Variants in ALPK1 observed in about 807,000 individuals in gnomAD.
The protein encoded by ALPK1 is alpha kinase 1.
Under a neutral mutation model 120.6 loss-of-function variants are expected in ALPK1, and 110 were observed. The ratio of observed to expected loss-of-function variants is 0.91; its 90% confidence interval spans 0.78 to 1.07. The LOEUF (loss-of-function observed/expected upper bound fraction) is 1.07, where lower values mean the gene tolerates loss of function less well. ALPK1 is among the 50% of genes least tolerant of loss of function. The pLI, the probability that ALPK1 is intolerant of heterozygous loss-of-function variation, is 0.00. For missense variants in ALPK1, 1,498 were observed against 1,483.9 expected (o/e 1.01, Z -0.16); for synonymous variants, 582 against 560.3 (o/e 1.04, Z -0.55).
At chr4:112,300,932 G>T (rs887240341) in intron 1 of ALPK1, among the ~76,000 whole-genome samples, 1 of 152,088 alleles carries the variant, frequency 6.6e-6, no homozygotes, top group Non-Finnish European at 1.5e-5. Flanking sequence ...CTTAACCCCA[G>T]CACATCTGGT....
At chr4:112,377,502 C>T (rs760312574) in intron 2 of ALPK1, among the ~76,000 whole-genome samples, 176 bp from the exon 3 acceptor site, 3 of 152,158 alleles carry the variant, frequency 2.0e-5, no homozygotes, top group South Asian at 2.1e-4. Context: ...CTGAGGCCTT[C>T]GGAGGTGCTG....
chr4:112,429,593 G>A lies in ALPK1; in HGVS notation c.900+340G>A, dbSNP rs141426286. On this transcript the variant is annotated intron_variant, in intron 10 of 15. Coordinates refer to ENST00000650871, the MANE Select transcript of ALPK1 (RefSeq NM_025144.4). ...TCACGCCTGTAATCCCATCACTTTG[G>A]GAGGCCAAGGTAGGAGGATGGCTTG... 1.4e-4 allele frequency among the ~76,000 whole-genome samples: 21 copies of A among 152,200 alleles called. No individual in the cohort carries two copies. The East Asian group carries it at 4.1e-3, about 29-fold the overall frequency.
chr4:112,412,431 A>G (rs1279731748), intron 5 of ALPK1: 2 of 461,012 alleles, frequency 4.3e-6, no homozygotes, highest in African/African-American at 4.0e-5. Context: ...CACTTGACTA[A>G]GCTGACAATA....
intron 2 of ALPK1, among the ~76,000 whole-genome samples, 160 bp from the exon 3 acceptor site, chr4:112,377,518 C>T (rs1011841433): frequency 1.3e-5 from 2 of 152,154 alleles, no homozygotes; most frequent in Non-Finnish European, 2.9e-5. Context: ...TGCTGCCCAT[C>T]TAGCCAGGCC....
At chr4:112,435,845 C>T (rs533582626) in intron 12 of ALPK1, among the ~76,000 whole-genome samples, 4 of 152,272 alleles carry the variant, frequency 2.6e-5, no homozygotes, top group African/African-American at 9.6e-5. Context: ...GTTCAGATAC[C>T]ACTCATACAA....
intron 10 of ALPK1, among the ~76,000 whole-genome samples, chr4:112,429,855 GAAA>G (rs1344736398): frequency 0.032 from 1,357 of 42,878 alleles, 49 homozygotes; most frequent in East Asian, 0.28. Context: ...AAAAAAAAAA[GAAA>G]AGAAAAGAGA....
intron 1 of ALPK1, among the ~76,000 whole-genome samples, chr4:112,312,429 C>T (rs1431308766): frequency 7.2e-5 from 11 of 152,076 alleles, no homozygotes; most frequent in African/African-American, 1.4e-4. Context: ...CCCGCCACCA[C>T]GCCTGGCTAA....
chr4:112,304,661 A>G (rs1421747509), intron 1 of ALPK1, among the ~76,000 whole-genome samples: 3 of 151,952 alleles, frequency 2.0e-5, no homozygotes, highest in African/African-American at 7.3e-5. Context: ...CCCTTTGTCA[A>G]ATAAGTAGAT....
chr4:112,330,288 G>T lies in ALPK1; in HGVS notation c.-101+14436G>T, dbSNP rs563035975. ...AACTTAATTCCAAGAAGAATTTATT[G>T]CATGGACACTTAAATAAGAGAAAGG... On this transcript the variant is annotated intron_variant, in intron 2 of 15. Transcript: ENST00000650871. Among the ~76,000 whole-genome samples the T allele has an allele frequency of 1.6e-4, 25 of 152,262 alleles. 1 individual carries two copies. The South Asian group carries it at 4.8e-3, about 29-fold the overall frequency.
chr4:112,382,509 C>T lies in ALPK1; in HGVS notation c.233C>T (p.Thr78Ile). Reference protein sequence around the residue: ...YKQAVGPEDKTNLKDVIGAGL... With the variant: ...YKQAVGPEDKINLKDVIGAGL... ...CAAGCCGTGGGCCCAGAGGACAAAA[C>T]AAACCTGAAGGATGTGATTGGCGCC... Residue 78 changes from threonine (T) to isoleucine (I), a missense_variant, in exon 4 of 16, where the codon ACA becomes ATA. Physicochemically the swap from Thr to Ile is moderately conservative, Grantham distance 89. Transcript: ENST00000650871. The T allele has an allele frequency of 6.2e-7, 1 of 1,614,152 alleles. No homozygotes were observed. Among genetic ancestry groups the T allele is most frequent in the African/African-American group, 1.3e-5 (1 of 75,040 alleles).
At chr4:112,375,207 G>A (rs1731599338) in intron 2 of ALPK1, among the ~76,000 whole-genome samples, 1 of 142,848 alleles carries the variant, frequency 7.0e-6, no homozygotes, top group South Asian at 2.2e-4. Flanking sequence ...TTGAGACAGA[G>A]ACTTGCTATG....
chr4:112,338,854 A>G (rs1392892073), intron 2 of ALPK1, among the ~76,000 whole-genome samples: 2 of 152,246 alleles, frequency 1.3e-5, no homozygotes, highest in African/African-American at 2.4e-5. Context: ...GAACAGAGAT[A>G]CAATTATAAC....
intron 4 of ALPK1, among the ~76,000 whole-genome samples, chr4:112,402,511 C>A (rs1237511563): frequency 3.9e-5 from 6 of 152,196 alleles, no homozygotes; most frequent in Non-Finnish European, 7.3e-5. Context: ...AATTCCTTTA[C>A]CACCTGACTC....
At chr4:112,299,524 C>T (rs1253800988) in intron 1 of ALPK1, among the ~76,000 whole-genome samples, 1 of 152,046 alleles carries the variant, frequency 6.6e-6, no homozygotes, top group East Asian at 1.9e-4. Flanking sequence ...AATAATATTA[C>T]AGGTAATCTG....
At position 112,431,111 on chromosome 4, in the gene ALPK1, C is replaced by T. The variant is rs370436702; in HGVS notation, c.1564C>T (p.Leu522=). The change falls in exon 11 of 16, where the codon CTA becomes TTA. Residue 522 remains leucine (L), a synonymous_variant. Transcript: ENST00000650871. ...AAGAGACACAGGAATATCTTCCTCC[C>T]TAATGGGTAAGAATGTTCAGAGGGA... ...CQRDTGISSS[L]MGKNVQRELR... is the part of the protein sequence containing the mutation. The T allele has an allele frequency of 6.2e-7, 1 of 1,614,170 alleles. No individual in the cohort carries two copies. The highest frequency in any genetic ancestry group is 1.7e-5 in the Admixed American group (1 of 60,030).
At chr4:112,413,532 C>A (rs376196405) in intron 5 of ALPK1, among the ~76,000 whole-genome samples, 4 of 152,324 alleles carry the variant, frequency 2.6e-5, no homozygotes, top group East Asian at 1.9e-4. Flanking sequence ...GATGTTCCCC[C>A]CTCAGCCTCC....
intron 4 of ALPK1, among the ~76,000 whole-genome samples, chr4:112,385,262 G>A (rs1185364346): frequency 6.6e-6 from 1 of 152,202 alleles, no homozygotes. Flanking sequence ...GAGAGAAGCT[G>A]CTCATAGTTG....
In ALPK1 at chr4:112,430,699, A is replaced by G; in HGVS notation, c.1152A>G (p.Glu384=). ...TVHAASQLCK[E]AMGKLYNFST... is the part of the protein sequence containing the mutation. ...ATGCAGCAAGTCAGCTCTGTAAGGAAGCAATGGGGAAGCTGTACAATTTCA... is the reference window on the plus strand; with the variant it reads ...ATGCAGCAAGTCAGCTCTGTAAGGAGGCAATGGGGAAGCTGTACAATTTCA... The change falls in exon 11 of 16, where the codon GAA becomes GAG. Residue 384 remains glutamate, a synonymous_variant. Coordinates refer to ENST00000650871, the MANE Select transcript of ALPK1 (RefSeq NM_025144.4). 1.9e-6 allele frequency: 3 copies of G among 1,614,224 alleles called. No homozygotes were observed. The highest frequency in any genetic ancestry group is 2.5e-6 in the Non-Finnish European group (3 of 1,180,044).
intron 4 of ALPK1, among the ~76,000 whole-genome samples, chr4:112,385,143 A>T (rs1188127381): frequency 6.6e-6 from 1 of 152,170 alleles, no homozygotes; most frequent in Non-Finnish European, 1.5e-5. Flanking sequence ...AGATCCCCTG[A>T]GCCCTGCATT....
Sources: allele counts gnomAD v4.1 joint callset (sites outside exome capture counted in the v4.1 genomes callset), GRCh38; gene constraint gnomAD v4.1.1; transcripts MANE v1.5; gene names NCBI Gene and HGNC (gene_info 2026-07-23, HGNC 2026-07-21).